ZNF225: variants seen among roughly 807,000 people sequenced by gnomAD.
ZNF225 encodes the protein zinc finger protein 225.
A neutral mutation model predicts 12.0 loss-of-function variants in ZNF225; 6 were observed. The ratio of observed to expected loss-of-function variants is 0.50; its 90% CI spans 0.27 to 0.98. ZNF225 has a LOEUF of 0.98. Ranked by LOEUF, ZNF225 falls within the 50% of genes least tolerant of loss-of-function variation. The pLI is 0.11. For missense variants in ZNF225, 763 were observed against 848.2 expected, an observed-to-expected ratio of 0.90 and a Z score of 1.25; for synonymous variants, 271 against 283.2, an observed-to-expected ratio of 0.96 and a Z score of 0.43.
At chr19:44,123,234 C>T (rs1280369084) in intron 4 of ZNF225, among the ~76,000 whole-genome samples, 1 of 152,174 alleles carries the variant, frequency 6.6e-6, no homozygotes, top group East Asian at 1.9e-4. Context: ...GCTTTTTCTA[C>T]ATCTATTGAG....
intron 4 of ZNF225, among the ~76,000 whole-genome samples, chr19:44,126,736 G>A (rs936268042): frequency 3.3e-5 from 5 of 152,148 alleles, no homozygotes; most frequent in African/African-American, 1.2e-4. Context: ...GGGGATGTGG[G>A]TGAGGTTCCC....
intron 4 of ZNF225, among the ~76,000 whole-genome samples, chr19:44,125,455 C>T (rs192217068): frequency 5.0e-4 from 76 of 152,330 alleles, no homozygotes; most frequent in African/African-American, 1.7e-3. Context: ...TTCTGTCTCA[C>T]AGCTCTTAAG....
At chr19:44,115,128 G>T (rs1009696871) in intron 1 of ZNF225, among the ~76,000 whole-genome samples, 8 of 152,064 alleles carry the variant, frequency 5.3e-5, no homozygotes, top group African/African-American at 1.9e-4. Context: ...TATCAGTGTA[G>T]ATCCAGAATC....
At chr19:44,130,090 G>A (rs1968215424) in intron 4 of ZNF225, 1 of 152,226 alleles carries the variant, frequency 6.6e-6, no homozygotes, top group African/African-American at 2.4e-5. Flanking sequence ...GCAAACCAGA[G>A]TCCATAGTGT....
chr19:44,132,444 G>C lies in ZNF225; in HGVS notation c.1830G>C (p.Gln610His). Residue 610 changes from glutamine to histidine, a missense_variant, in exon 5 of 5, where the codon CAG becomes CAC. By Grantham distance (24) the Gln-to-His change is conservative. Transcript: ENST00000262894. ...GGAAGAGATTTACTGAGAATTCACAGCTTCATTCCCATCAGAGGGTTCACA... is the reference window on the plus strand; with the variant it reads ...GGAAGAGATTTACTGAGAATTCACACCTTCATTCCCATCAGAGGGTTCACA... ...ECGKRFTENSQLHSHQRVHTG... is the reference protein window; with the variant it reads ...ECGKRFTENSHLHSHQRVHTG... 6.2e-7 allele frequency: 1 copy of C among 1,614,096 alleles called. No individual in the cohort carries two copies. Among genetic ancestry groups the C allele is most frequent in the Non-Finnish European group, 8.5e-7 (1 of 1,180,010 alleles).
chr19:44,125,153 A>G (rs895635429), intron 4 of ZNF225, among the ~76,000 whole-genome samples: 2 of 152,130 alleles, frequency 1.3e-5, no homozygotes, highest in African/African-American at 4.8e-5. Context: ...TATGCTTTAA[A>G]GAGGTTCTGT....
Position 44,118,215 on chromosome 19 carries a change from G to T in ZNF225, c.43G>T (p.Val15Leu). 6.2e-7 allele frequency: 1 copy of T among 1,612,948 alleles called. No homozygotes were observed. The highest frequency in any genetic ancestry group is 8.5e-7 in the Non-Finnish European group (1 of 1,179,456). Reference sequence around the variant, plus strand: ...GGCAGTGACCTTCAAGGACGTGGCTGTGGTCTTCACTGAGGAAGAGCTGAG... The same window carrying T: ...GGCAGTGACCTTCAAGGACGTGGCTTTGGTCTTCACTGAGGAAGAGCTGAG... Reference protein sequence around the residue: ...KEAVTFKDVAVVFTEEELRLL... With the variant: ...KEAVTFKDVALVFTEEELRLL... The change falls in exon 3 of 5, where the codon GTG becomes TTG. Residue 15 changes from valine to leucine, a missense_variant. Val to Leu is a conservative substitution (Grantham distance 32). Transcript: ENST00000262894.
chr19:44,118,941 T>C (rs545883081), intron 4 of ZNF225, among the ~76,000 whole-genome samples: 4 of 152,070 alleles, frequency 2.6e-5, no homozygotes, highest in South Asian at 2.1e-4. Flanking sequence ...CTCAGCCTCC[T>C]GAGTAGCTGG....
intron 2 of ZNF225, among the ~76,000 whole-genome samples, chr19:44,116,241 A>G (rs1568536886): frequency 1.3e-5 from 2 of 152,198 alleles, no homozygotes; most frequent in Admixed American, 6.5e-5. Flanking sequence ...GAGATATAGC[A>G]TGGGACAAAC....
Position 44,133,511 on chromosome 19 carries a change from C to T in ZNF225, c.*776C>T, listed in dbSNP as rs189339050. 5 of 152,066 alleles carry T rather than the reference C, an allele frequency of 3.3e-5. No homozygotes were observed. In the East Asian group the frequency reaches 7.7e-4, roughly 24 times the overall value. The allele number at this position is 152,066 out of a possible 1,614,324, so 9.4% of individuals were successfully genotyped here. A position where few individuals can be genotyped will look rare whatever the true frequency, so the allele number is the denominator to read the frequency against. On this transcript the variant is annotated 3_prime_UTR_variant, in exon 5 of 5. Coordinates refer to ENST00000262894, the MANE Select transcript of ZNF225 (RefSeq NM_013362.4). Reference sequence around the variant, plus strand: ...TCCTCATACATAATGCATGTGAGCTCGCTTTAAGCATAAGTGAAGGAGTGG... The same window carrying T: ...TCCTCATACATAATGCATGTGAGCTTGCTTTAAGCATAAGTGAAGGAGTGG...
chr19:44,120,053 A>G (rs1221717001), intron 4 of ZNF225, among the ~76,000 whole-genome samples: 1 of 152,158 alleles, frequency 6.6e-6, no homozygotes, highest in African/African-American at 2.4e-5. Flanking sequence ...TCCCATCTCT[A>G]CTAAAAATAC....
chr19:44,119,010 G>A (rs1377805283), intron 4 of ZNF225, among the ~76,000 whole-genome samples: 1 of 152,052 alleles, frequency 6.6e-6, no homozygotes, highest in Non-Finnish European at 1.5e-5. Flanking sequence ...TAGAGACGGG[G>A]TTTCACCGTG....
intron 4 of ZNF225, among the ~76,000 whole-genome samples, chr19:44,126,615 C>A (rs575523036): frequency 5.0e-4 from 76 of 152,190 alleles, no homozygotes; most frequent in African/African-American, 1.7e-3. Flanking sequence ...AGATTATATG[C>A]CCTTTGTCTT....
intron 4 of ZNF225, among the ~76,000 whole-genome samples, chr19:44,119,620 G>A (rs953348990): frequency 6.6e-6 from 1 of 152,030 alleles, no homozygotes; most frequent in Admixed American, 6.6e-5. Context: ...AATTGTGTTG[G>A]TTACCCCTGG....
At chr19:44,126,960 A>G (rs564100869) in intron 4 of ZNF225, among the ~76,000 whole-genome samples, 41 of 152,288 alleles carry the variant, frequency 2.7e-4, no homozygotes, top group South Asian at 1.7e-3. Context: ...GCCCCAGGCT[A>G]CCACCTCTCA....
rs765859774 is a variant in ZNF225, at chr19:44,115,860, C to T, written c.15+18C>T. On this transcript the variant is annotated intron_variant, in intron 2 of 4. Coordinates refer to ENST00000262894, the MANE Select transcript of ZNF225 (RefSeq NM_013362.4). ...CGTTGAAGGTGAGTAGAGCTTGCCT[C>T]TCTTGCTGTTAAAATTTCTTTTATG... The T allele has an allele frequency of 6.2e-7, 1 of 1,611,402 alleles. No individual in the cohort carries two copies. The highest frequency in any genetic ancestry group is 1.1e-5 in the South Asian group (1 of 90,628).
chr19:44,118,957 C>T (rs528636955), intron 4 of ZNF225, among the ~76,000 whole-genome samples: 1 of 152,148 alleles, frequency 6.6e-6, no homozygotes, highest in African/African-American at 2.4e-5. Flanking sequence ...GCTGGGAATA[C>T]AGATGCCCGC....
intron 1 of ZNF225, chr19:44,114,134 C>G: frequency 1.3e-6 from 1 of 794,030 alleles, no homozygotes; most frequent in Non-Finnish European, 2.0e-6. Context: ...GAGTGTTTCA[C>G]AGCCTTCTCC....
intron 4 of ZNF225, among the ~76,000 whole-genome samples, chr19:44,120,093 T>C (rs548188094): frequency 1.3e-3 from 191 of 152,282 alleles, no homozygotes; most frequent in Non-Finnish European, 2.0e-3. Flanking sequence ...AGTGTGTGCC[T>C]GTAGTCTCAG....
Sources: gnomAD v4.1 joint callset for allele counts (sites outside exome capture counted in the v4.1 genomes callset) on GRCh38, gnomAD v4.1.1 for gene constraint, MANE v1.5 for transcripts, NCBI Gene and HGNC (gene_info 2026-07-23, HGNC 2026-07-21) for gene names.